PFKP: variants seen among roughly 807,000 people sequenced by gnomAD.
The protein encoded by PFKP is phosphofructokinase, platelet, also known as ATP-dependent 6-phosphofructokinase, platelet type.
Under a neutral mutation model 94.3 loss-of-function variants are expected in PFKP, and 101 were observed. The ratio of observed to expected loss-of-function variants is 1.07; its 90% CI spans 0.91 to 1.26. PFKP has a LOEUF of 1.26. Ranked by LOEUF, PFKP falls within the 50% of genes most tolerant of loss-of-function variation. PFKP has a pLI of 0.00. For synonymous variants in PFKP, 573 were observed against 432.6 expected, an observed-to-expected ratio of 1.32 and a Z score of -4.03; for missense variants, 1,145 against 1,103.3, an observed-to-expected ratio of 1.04 and a Z score of -0.53.
chr10:3,094,439 C>T (rs1834319163), intron 2 of PFKP, among the ~76,000 whole-genome samples: 1 of 152,180 alleles, frequency 6.6e-6, no homozygotes, highest in African/African-American at 2.4e-5. Context: ...AGAAGAAATC[C>T]TGAGGCTGCT....
At position 3,102,188 on chromosome 10, in the gene PFKP, T is replaced by C. The variant is rs1401056975; in HGVS notation, c.454+634T>C. Among the ~76,000 whole-genome samples the C allele has an allele frequency of 1.1e-3, 147 of 132,826 alleles. 1 individual carries two copies. The highest frequency in any genetic ancestry group is 3.0e-3 in the African/African-American group (107 of 35,604). The allele number at this position is 132,826 out of a possible 152,430, so 87.1% of individuals were successfully genotyped here. On this transcript the variant is annotated intron_variant, in intron 4 of 21. Transcript: ENST00000381125. ...ATGGCGTGAACCCGGGAGGCGGAGC[T>C]TGCAGTGAGCCGAGGTCCCGCCACT... is the stretch of plus-strand genomic sequence containing the variant.
At chr10:3,122,442 T>C (rs1328036942) in intron 16 of PFKP, among the ~76,000 whole-genome samples, 3 of 152,216 alleles carry the variant, frequency 2.0e-5, no homozygotes, top group Non-Finnish European at 4.4e-5. Flanking sequence ...GCAGCTGTTT[T>C]CTCCAGAGCC....
intron 1 of PFKP, among the ~76,000 whole-genome samples, chr10:3,081,311 G>C (rs1390633304): frequency 6.6e-6 from 1 of 152,220 alleles, no homozygotes; most frequent in Non-Finnish European, 1.5e-5. Context: ...AGTGCACATA[G>C]CCTGCCTCTG....
At chr10:3,102,039 CAGG>C (rs1835049411) in intron 4 of PFKP, among the ~76,000 whole-genome samples, 1 of 150,500 alleles carries the variant, frequency 6.6e-6, no homozygotes, top group South Asian at 2.1e-4. Context: ...ATCACGAGGT[CAGG>C]AGATCGAGAC....
intron 5 of PFKP, 53 bp downstream of exon 5, chr10:3,103,997 A>G (rs1029661483): frequency 3.3e-6 from 5 of 1,538,302 alleles, no homozygotes; most frequent in Middle Eastern, 1.7e-4. Context: ...ACGTGTGCCC[A>G]GCTCAGACGT....
chr10:3,135,760 C>A lies in PFKP; in HGVS notation c.2147C>A (p.Ser716Tyr). 1 of 1,611,966 alleles carries A rather than the reference C, an allele frequency of 6.2e-7. No individual in the cohort carries two copies. Residue 716 changes from serine to tyrosine, a missense_variant, in exon 21 of 22, where the codon TCC becomes TAC. Transcript: ENST00000381125. ...GGAAAAAAATTTACCACCGATGATT[C>A]CATTTGTGTGCTGGGAATAAGCAAA... Reference protein sequence around the residue: ...GRGKKFTTDDSICVLGISKRN... With the variant: ...GRGKKFTTDDYICVLGISKRN...
chr10:3,087,114 G>C (rs775251573), intron 2 of PFKP, among the ~76,000 whole-genome samples: 20 of 152,080 alleles, frequency 1.3e-4, no homozygotes, highest in Non-Finnish European at 1.8e-4. Flanking sequence ...CTGGGATTAC[G>C]TGCCTGGCTA....
chr10:3,132,400 G>T lies in PFKP; in HGVS notation c.1869G>T (p.Thr623=). 1.9e-6 allele frequency: 3 copies of T among 1,612,580 alleles called. No homozygotes were observed. The South Asian group carries it at 3.3e-5, about 18-fold the overall frequency. Residue 623 remains threonine (T), a synonymous_variant, in exon 18 of 22, where the codon ACG becomes ACT. Transcript: ENST00000381125. Reference sequence around the variant, plus strand: ...TCCAGTCCAACGTGGAGCACCTGACGGAGAAAATGAAGACCACCATCCAGA... The same window carrying T: ...TCCAGTCCAACGTGGAGCACCTGACTGAGAAAATGAAGACCACCATCCAGA... The part of the protein sequence containing the change: ...RDLQSNVEHL[T]EKMKTTIQRG...
chr10:3,120,369 C>CTGTGTGTGTGTGTGTGTGTGTGTGTG (rs3841457), intron 16 of PFKP, among the ~76,000 whole-genome samples: 2 of 108,584 alleles, frequency 1.8e-5, no homozygotes, highest in Non-Finnish European at 4.4e-5. Context: ...TTAAAAATCG[C>CTGTGTGTGTGTGTGTGTGTGTGTGTG]TGTGTGTGTG....
In PFKP at chr10:3,134,716, T is replaced by TA. The variant is rs1402544180; in HGVS notation, c.2122+135dup. ...CAGTACTGAGCTGCACGTGATGTTT[T>TA]ACTCCTGATCTCTGAGTGTTGCTAT... On this transcript the variant is annotated intron_variant, in intron 20 of 21. Coordinates refer to ENST00000381125, the MANE Select transcript of PFKP (RefSeq NM_002627.5). 5 of 607,174 alleles carry TA rather than the reference T, an allele frequency of 8.2e-6. No homozygotes were observed. In the African/African-American group the frequency reaches 9.1e-5, roughly 11 times the overall value. The allele number at this position is 607,174 out of a possible 1,614,324, so 37.6% of individuals were successfully genotyped here. A position where few individuals can be genotyped will look rare whatever the true frequency, so the allele number is the denominator to read the frequency against.
chr10:3,087,302 C>G (rs1490793944), intron 2 of PFKP, among the ~76,000 whole-genome samples: 1 of 152,112 alleles, frequency 6.6e-6, no homozygotes, highest in African/African-American at 2.4e-5. Context: ...CATATGTTCT[C>G]TCTGTCTCAG....
chr10:3,080,129 G>A (rs1564267360), intron 1 of PFKP, among the ~76,000 whole-genome samples: 1 of 152,076 alleles, frequency 6.6e-6, no homozygotes, highest in Non-Finnish European at 1.5e-5. Context: ...CAGACAGGTG[G>A]GAGGTCCCTG....
Position 3,134,550 on chromosome 10 carries a change from T to C in PFKP, c.2090T>C (p.Ile697Thr), listed in dbSNP as rs370263946. 3.7e-6 allele frequency: 6 copies of C among 1,613,924 alleles called. No individual in the cohort carries two copies. Among genetic ancestry groups the C allele is most frequent in the East Asian group, 4.5e-5 (2 of 44,886 alleles). Residue 697 changes from isoleucine to threonine, a missense_variant, in exon 20 of 22, where the codon ATC becomes ACC. Physicochemically the swap from Ile to Thr is moderately conservative, Grantham distance 89 (BLOSUM62 -1). Transcript: ENST00000381125. ...TKISARAMEWITAKLKEARGR... is the reference protein window; with the variant it reads ...TKISARAMEWTTAKLKEARGR... The stretch of plus-strand genomic sequence containing the variant: ...ATCTCTGCCAGAGCTATGGAGTGGA[T>C]CACTGCAAAACTCAAGGAGGCCCGG...
chr10:3,125,831 C>T (rs1837890210), intron 16 of PFKP, among the ~76,000 whole-genome samples: 2 of 152,226 alleles, frequency 1.3e-5, no homozygotes, highest in South Asian at 4.1e-4. Context: ...TGACCTACCT[C>T]TATGGTCATA....
At chr10:3,070,752 T>C (rs78021546) in intron 1 of PFKP, among the ~76,000 whole-genome samples, 5,925 of 151,928 alleles carry the variant, frequency 0.039, 183 homozygotes, top group Non-Finnish European at 0.056. Flanking sequence ...CCACGAAGAG[T>C]ACTTATGTCT....
intron 16 of PFKP, among the ~76,000 whole-genome samples, chr10:3,128,512 C>T (rs934379078): frequency 2.0e-5 from 3 of 152,258 alleles, no homozygotes; most frequent in Non-Finnish European, 2.9e-5. Context: ...TACTCTCTCC[C>T]ACAGCTCTGG....
At chr10:3,130,495 C>A (rs1346358269) in intron 17 of PFKP, among the ~76,000 whole-genome samples, 2 of 152,172 alleles carry the variant, frequency 1.3e-5, no homozygotes, top group Non-Finnish European at 2.9e-5. Flanking sequence ...AGGCCTGGAC[C>A]CTGCAACATT....
At chr10:3,113,325 C>G in intron 12 of PFKP, 47 bp from the exon 13 acceptor site, 1 of 1,574,230 alleles carries the variant, frequency 6.4e-7, no homozygotes, top group Non-Finnish European at 8.7e-7. Context: ...GCAAATGGAG[C>G]TCACGTGTGC....
intron 2 of PFKP, among the ~76,000 whole-genome samples, chr10:3,094,683 C>T (rs1028855255): frequency 6.6e-6 from 1 of 152,188 alleles, no homozygotes; most frequent in Admixed American, 6.5e-5. Context: ...GAAATTCCTG[C>T]CGCCTCTCTT....
Sources: allele counts gnomAD v4.1 joint callset (sites outside exome capture counted in the v4.1 genomes callset), GRCh38; gene constraint gnomAD v4.1.1; transcripts MANE v1.5; gene names NCBI Gene and HGNC (gene_info 2026-07-23, HGNC 2026-07-21).